The following B3GAT2 variants were observed in gnomAD, a reference collection of about 807,000 sequenced individuals.
B3GAT2 encodes beta-1,3-glucuronyltransferase 2.
Under a neutral mutation model 27.8 loss-of-function variants are expected in B3GAT2, and 26 were observed. The ratio of observed to expected loss-of-function variants is 0.93; its 90% CI spans 0.68 to 1.30. The LOEUF (loss-of-function observed/expected upper bound fraction) is 1.30, where lower values mean the gene tolerates loss of function less well. Among genes scored for constraint, B3GAT2 ranks in the 50% most tolerant of loss-of-function variants. The pLI is 0.00. For synonymous variants in B3GAT2, 218 were observed against 195.1 expected, an observed-to-expected ratio of 1.12 and a Z score of -0.98; for missense variants, 458 against 459.0, an observed-to-expected ratio of 1.00 and a Z score of 0.02.
rs1277946396 is a variant in B3GAT2 at position 70,858,125 on chromosome 6, C to G, written c.*3538G>C. On this transcript the variant is annotated 3_prime_UTR_variant, in exon 4 of 4. Coordinates refer to ENST00000230053, the MANE Select transcript of B3GAT2 (RefSeq NM_080742.3). ...ACAAACTGGTGTGATGCCACTTCCT[C>G]AGAACGTTGTTGGCCCCCAAGGAGG... The G allele has an allele frequency of 6.2e-7, 1 of 1,613,874 alleles. No homozygotes were observed. Among genetic ancestry groups the G allele is most frequent in the Non-Finnish European group, 8.5e-7 (1 of 1,179,986 alleles).
intron 1 of B3GAT2, among the ~76,000 whole-genome samples, chr6:70,942,471 C>T (rs1352548562): frequency 6.6e-6 from 1 of 152,160 alleles, no homozygotes; most frequent in Non-Finnish European, 1.5e-5. Context: ...TGTCCCATCA[C>T]CCACTAGGCC....
At chr6:70,926,407 C>T (rs1486170860) in intron 1 of B3GAT2, among the ~76,000 whole-genome samples, 1 of 152,106 alleles carries the variant, frequency 6.6e-6, no homozygotes, top group African/African-American at 2.4e-5. Context: ...GAACCCATCT[C>T]AAAGAAGCTA....
At position 70,857,256 on chromosome 6, in the gene B3GAT2, G is replaced by C. The variant is rs2150013805; in HGVS notation, c.*4407C>G. The C allele has an allele frequency of 2.7e-6, 1 of 365,364 alleles. No individual in the cohort carries two copies. Among genetic ancestry groups the C allele is most frequent in the African/African-American group, 2.1e-5 (1 of 48,676 alleles). The allele number at this position is 365,364 out of a possible 1,614,324, so 22.6% of individuals were successfully genotyped here. On this transcript the variant is annotated 3_prime_UTR_variant, in exon 4 of 4. Coordinates refer to ENST00000230053, the MANE Select transcript of B3GAT2 (RefSeq NM_080742.3). ...ATTTGGAATTAACAAGCTGTTCATAGATCACTAAATGTTGTTTCACAAGCT... is the reference window on the plus strand; with the variant it reads ...ATTTGGAATTAACAAGCTGTTCATACATCACTAAATGTTGTTTCACAAGCT...
chr6:70,934,046 G>C (rs1773101467), intron 1 of B3GAT2, among the ~76,000 whole-genome samples: 1 of 152,196 alleles, frequency 6.6e-6, no homozygotes, highest in Admixed American at 6.5e-5. Context: ...GTGGGACCCA[G>C]AACGCAGTAA....
At chr6:70,914,334 C>T (rs1018075456) in intron 1 of B3GAT2, among the ~76,000 whole-genome samples, 1 of 152,074 alleles carries the variant, frequency 6.6e-6, no homozygotes, top group African/African-American at 2.4e-5. Flanking sequence ...TCTCTGTGTC[C>T]ACGTGTTCCC....
At chr6:70,870,907 T>C (rs1372651784) in intron 2 of B3GAT2, among the ~76,000 whole-genome samples, 1 of 152,130 alleles carries the variant, frequency 6.6e-6, no homozygotes, top group Admixed American at 6.6e-5. Context: ...ATAAATGAAG[T>C]TCCCTCCTAT....
chr6:70,912,735 C>T (rs910972512), intron 1 of B3GAT2, among the ~76,000 whole-genome samples: 2 of 152,092 alleles, frequency 1.3e-5, no homozygotes, highest in Admixed American at 1.3e-4. Context: ...GGAATAGTTT[C>T]AGTAGGAATG....
chr6:70,867,757 A>T (rs1323315084), intron 2 of B3GAT2, among the ~76,000 whole-genome samples: 1 of 152,198 alleles, frequency 6.6e-6, no homozygotes, highest in Admixed American at 6.5e-5. Context: ...AATGACAGCA[A>T]TTCTACATGA....
At position 70,956,177 on chromosome 6, in the gene B3GAT2, T is replaced by C. The variant is rs896531028; in HGVS notation, c.253A>G (p.Ile85Val). The change falls in exon 1 of 4, where the codon ATC becomes GTC. Residue 85 changes from isoleucine to valine, a missense_variant. By Grantham distance (29) the Ile-to-Val change is conservative (BLOSUM62 3). Transcript: ENST00000230053. ...ACCGGGCGGCTGTAGGTGGGCGTGA[T>C]GGCATAGATGGTGGGCAGCTGCGGC... ...PEPQLPTIYA[I>V]TPTYSRPVQK... The C allele has an allele frequency of 3.1e-6, 5 of 1,610,476 alleles. No individual in the cohort carries two copies. The highest frequency in any genetic ancestry group is 2.7e-5 in the African/African-American group (2 of 74,822).
chr6:70,874,176 A>G (rs1771979036), intron 2 of B3GAT2, among the ~76,000 whole-genome samples: 1 of 152,106 alleles, frequency 6.6e-6, no homozygotes, highest in Admixed American at 6.6e-5. Flanking sequence ...TAATGTGACA[A>G]CTCTGGAAAT....
At chr6:70,936,591 T>G (rs1428947210) in intron 1 of B3GAT2, among the ~76,000 whole-genome samples, 1 of 152,046 alleles carries the variant, frequency 6.6e-6, no homozygotes, top group Non-Finnish European at 1.5e-5. Flanking sequence ...AACTCAAGAT[T>G]AAGAAACTCA....
chr6:70,928,651 C>T (rs1267160815), intron 1 of B3GAT2, among the ~76,000 whole-genome samples: 1 of 152,116 alleles, frequency 6.6e-6, no homozygotes. Flanking sequence ...AGTTGAATCC[C>T]TGAATAGACC....
intron 2 of B3GAT2, among the ~76,000 whole-genome samples, chr6:70,869,366 C>G (rs1396545966): frequency 1.3e-5 from 2 of 152,260 alleles, no homozygotes; most frequent in South Asian, 4.1e-4. Flanking sequence ...TATAAATCCC[C>G]TAACTTCTTT....
chr6:70,923,676 A>G (rs1772907833), intron 1 of B3GAT2, among the ~76,000 whole-genome samples: 1 of 152,180 alleles, frequency 6.6e-6, no homozygotes, highest in African/African-American at 2.4e-5. Flanking sequence ...TCAATCAATC[A>G]ATAATAAAAC....
intron 1 of B3GAT2, among the ~76,000 whole-genome samples, chr6:70,911,749 TAAC>T (rs1277194905): frequency 6.6e-6 from 1 of 152,352 alleles, no homozygotes; most frequent in Admixed American, 6.5e-5. Flanking sequence ...ATGGCCACTT[TAAC>T]AACATTGATT....
At chr6:70,938,393 G>A (rs1219886945) in intron 1 of B3GAT2, among the ~76,000 whole-genome samples, 1 of 151,124 alleles carries the variant, frequency 6.6e-6, no homozygotes, top group Non-Finnish European at 1.5e-5. Context: ...CACAGAATTG[G>A]AAAAAACTAC....
chr6:70,896,644 T>C (rs1377948880), intron 1 of B3GAT2, among the ~76,000 whole-genome samples: 1 of 152,230 alleles, frequency 6.6e-6, no homozygotes, highest in Non-Finnish European at 1.5e-5. Flanking sequence ...TAATTCAGCA[T>C]GTGGGGTGTA....
intron 2 of B3GAT2, among the ~76,000 whole-genome samples, chr6:70,863,194 T>C (rs989181632): frequency 5.9e-5 from 9 of 152,176 alleles, no homozygotes; most frequent in African/African-American, 2.2e-4. Context: ...CCACAAAACA[T>C]TTCTCAGCAA....
intron 2 of B3GAT2, among the ~76,000 whole-genome samples, chr6:70,867,008 AC>A (rs1307104707): frequency 6.6e-6 from 1 of 152,224 alleles, no homozygotes; most frequent in Non-Finnish European, 1.5e-5. Flanking sequence ...ATCAGTAAAT[AC>A]AAAGATACCT....
Sources: allele counts gnomAD v4.1 joint callset (sites outside exome capture counted in the v4.1 genomes callset), GRCh38; gene constraint gnomAD v4.1.1; transcripts MANE v1.5; gene names NCBI Gene and HGNC (gene_info 2026-07-23, HGNC 2026-07-21).